Variants in RHOA observed in about 807,000 individuals in gnomAD.
The protein encoded by RHOA is ras homolog family member A, also known as transforming protein RhoA.
In RHOA, 3 loss-of-function variants were observed where a neutral mutation model predicts 17.5. The observed-to-expected ratio is 0.17, with a 90% confidence interval of 0.08 to 0.44. RHOA has a LOEUF of 0.44. Among genes scored for constraint, RHOA ranks in the 20% least tolerant of loss-of-function variants. RHOA has a pLI of 0.99. For missense variants in RHOA, 56 were observed against 242.3 expected (o/e 0.23, Z 5.10); for synonymous variants, 98 against 88.4 (o/e 1.11, Z -0.61).
chr3:49,390,206 C>T (rs375633436), intron 1 of RHOA, among the ~76,000 whole-genome samples: 1 of 151,822 alleles, frequency 6.6e-6, no homozygotes, highest in African/African-American at 2.4e-5. Context: ...ACAATCTCAG[C>T]TCACTGCAGC....
intron 1 of RHOA, among the ~76,000 whole-genome samples, chr3:49,387,740 C>CAAA (rs747822212): frequency 1.6e-5 from 1 of 62,960 alleles, no homozygotes. Context: ...CTCCAGGTCT[C>CAAA]AAAAAAAAAA....
intron 1 of RHOA, among the ~76,000 whole-genome samples, chr3:49,392,469 T>A (rs148855078): frequency 6.6e-6 from 1 of 152,210 alleles, no homozygotes; most frequent in African/African-American, 2.4e-5. Context: ...AAAACTGATG[T>A]TTAAATTTTA....
chr3:49,368,707 CTT>C (rs374609508), intron 2 of RHOA, among the ~76,000 whole-genome samples, 159 bp from the exon 3 acceptor site: 34 of 130,300 alleles, frequency 2.6e-4, no homozygotes, highest in Non-Finnish European at 3.5e-4. Context: ...TTTCTTTTTT[CTT>C]TTTTTTTTTT....
chr3:49,387,398 C>G lies in RHOA; in HGVS notation c.-2-11807G>C, dbSNP rs527359148. ...AGCAGAGGTTGCAATGAGCCGAGATCGTGCCATTGCACTCCAGCCTAGGTG... is the reference window on the plus strand; with the variant it reads ...AGCAGAGGTTGCAATGAGCCGAGATGGTGCCATTGCACTCCAGCCTAGGTG... On this transcript the variant is annotated intron_variant, in intron 1 of 4. Transcript: ENST00000418115. Among the ~76,000 whole-genome samples, 6 of 142,678 alleles carry G rather than the reference C, an allele frequency of 4.2e-5. 1 individual carries two copies. The highest frequency in any genetic ancestry group is 1.6e-4 in the African/African-American group (6 of 38,184). The allele number at this position is 142,678 out of a possible 152,430, so 93.6% of individuals were successfully genotyped here.
At chr3:49,388,190 G>A (rs1461945586) in intron 1 of RHOA, among the ~76,000 whole-genome samples, 4 of 151,752 alleles carry the variant, frequency 2.6e-5, no homozygotes, top group Non-Finnish European at 5.9e-5. Context: ...TTCTATTTGT[G>A]TGGGTGTGTG....
intron 3 of RHOA, among the ~76,000 whole-genome samples, chr3:49,366,194 T>C (rs1387472749): frequency 6.6e-6 from 1 of 152,184 alleles, no homozygotes; most frequent in East Asian, 1.9e-4. Flanking sequence ...AAGTTATTTA[T>C]GTGTGTATCT....
In RHOA at chr3:49,389,713, A is replaced by G. The variant is rs562109833; in HGVS notation, c.-2-14122T>C. ...TCCCAGCACTTTGGGAGGCCGAGGC[A>G]GGCGGATCACGAGGTCAGGATATTG... On this transcript the variant is annotated intron_variant, in intron 1 of 4. Transcript: ENST00000418115. Among the ~76,000 whole-genome samples the G allele has an allele frequency of 8.5e-5, 13 of 152,166 alleles. No homozygotes were observed. In the South Asian group the frequency reaches 2.5e-3, roughly 29 times the overall value.
intron 1 of RHOA, among the ~76,000 whole-genome samples, chr3:49,411,151 T>C (rs2048927389): frequency 6.6e-6 from 1 of 152,148 alleles, no homozygotes; most frequent in Non-Finnish European, 1.5e-5. Context: ...GTGTTGTTTT[T>C]TTTTTCCAAA....
chr3:49,399,530 T>C (rs1174931492), intron 1 of RHOA, among the ~76,000 whole-genome samples: 4 of 151,656 alleles, frequency 2.6e-5, no homozygotes, highest in African/African-American at 7.3e-5. Context: ...TATTCACCAA[T>C]AGACACTGGT....
intron 1 of RHOA, among the ~76,000 whole-genome samples, chr3:49,396,111 C>G (rs2048611574): frequency 2.0e-5 from 3 of 152,260 alleles, no homozygotes; most frequent in Admixed American, 2.0e-4. Flanking sequence ...AGGAAGAACA[C>G]ATTACAAGAA....
intron 1 of RHOA, among the ~76,000 whole-genome samples, chr3:49,389,967 A>C (rs1396679842): frequency 2.0e-5 from 3 of 151,810 alleles, no homozygotes; most frequent in Admixed American, 6.6e-5. Flanking sequence ...AGTTACAGAC[A>C]AAACAGTAAG....
chr3:49,409,771 G>A (rs920120485), intron 1 of RHOA, among the ~76,000 whole-genome samples: 9 of 152,070 alleles, frequency 5.9e-5, no homozygotes, highest in African/African-American at 2.2e-4. Flanking sequence ...AAGAAATCAG[G>A]ACTACGAAAA....
At chr3:49,362,693 C>T (rs1448821196) in intron 3 of RHOA, 67 bp from the exon 4 acceptor site, 58 of 1,350,424 alleles carry the variant, frequency 4.3e-5, no homozygotes, top group Non-Finnish European at 5.6e-5. Flanking sequence ...CCAAGAACCT[C>T]AGTGAAATTG....
At chr3:49,399,275 CAAGA>C (rs2048677836) in intron 1 of RHOA, among the ~76,000 whole-genome samples, 1 of 150,452 alleles carries the variant, frequency 6.6e-6, no homozygotes, top group Non-Finnish European at 1.5e-5. Context: ...GAGGCTGAGG[CAAGA>C]GAATGACGTG....
chr3:49,391,143 G>A (rs1393129316), intron 1 of RHOA, among the ~76,000 whole-genome samples: 1 of 151,468 alleles, frequency 6.6e-6, no homozygotes, highest in East Asian at 1.9e-4. Context: ...GCTTGTACCC[G>A]GGAGGCAGAG....
In RHOA at chr3:49,375,600, C is replaced by G; in HGVS notation, c.-2-9G>C. 1 of 1,612,320 alleles carries G rather than the reference C, an allele frequency of 6.2e-7. No individual in the cohort carries two copies. On this transcript the variant is annotated splice_polypyrimidine_tract_variant and intron_variant, in intron 1 of 4. Transcript: ENST00000418115. ...CCGGATGGCAGCCATTGCTGAAACACAAAACACAGATATTACCTGCAATGC... is the reference window on the plus strand; with the variant it reads ...CCGGATGGCAGCCATTGCTGAAACAGAAAACACAGATATTACCTGCAATGC...
At chr3:49,388,082 C>A (rs750551822) in intron 1 of RHOA, among the ~76,000 whole-genome samples, 1 of 151,816 alleles carries the variant, frequency 6.6e-6, no homozygotes, top group Non-Finnish European at 1.5e-5. Flanking sequence ...TCAAGGCTCA[C>A]TGCAGCGTCA....
intron 2 of RHOA, among the ~76,000 whole-genome samples, chr3:49,370,574 G>T (rs1160294450): frequency 6.6e-6 from 1 of 152,164 alleles, no homozygotes; most frequent in Non-Finnish European, 1.5e-5. Context: ...AAGCCCTTTT[G>T]GCTGTGCCTT....
chr3:49,409,552 GA>G (rs1315444104), intron 1 of RHOA, among the ~76,000 whole-genome samples: 2 of 152,108 alleles, frequency 1.3e-5, no homozygotes, highest in African/African-American at 4.8e-5. Context: ...CTTAGAAGCT[GA>G]TCAGTCTTTC....
Sources: allele counts gnomAD v4.1 joint callset (sites outside exome capture counted in the v4.1 genomes callset), GRCh38; gene constraint gnomAD v4.1.1; transcripts MANE v1.5; gene names NCBI Gene and HGNC (gene_info 2026-07-23, HGNC 2026-07-21).